RABGAP1L: variants seen among roughly 807,000 people sequenced by gnomAD.
RABGAP1L encodes RAB GTPase activating protein 1 like, also known as rab GTPase-activating protein 1-like.
In RABGAP1L, 63 loss-of-function variants were observed where a neutral mutation model predicts 137.7. The ratio of observed to expected loss-of-function variants is 0.46; its 90% confidence interval spans 0.37 to 0.56. RABGAP1L has a LOEUF of 0.56. RABGAP1L is among the 20% of genes least tolerant of loss of function. The pLI is 0.00. For synonymous variants in RABGAP1L, 431 were observed against 433.7 expected (o/e 0.99, Z 0.08); for missense variants, 1,095 against 1,244.0 (o/e 0.88, Z 1.80).
Position 174,231,258 on chromosome 1 carries a change from G to A in RABGAP1L, c.445G>A (p.Val149Ile). 6.8e-6 allele frequency: 11 copies of A among 1,614,060 alleles called. No homozygotes were observed. Among genetic ancestry groups the A allele is most frequent in the Non-Finnish European group, 7.6e-6 (9 of 1,179,954 alleles). ...GAAGGTTTCTTCCCCACGTAATGAA[G>A]TAGAGGCTTTACGGGCAATGGCAAC... ...CMKVSSPRNE[V>I]EALRAMATMK... The change falls in exon 4 of 26, where the codon GTA (valine) becomes ATA (isoleucine). Residue 149 changes from valine (V) to isoleucine (I), a missense_variant. Val to Ile is a conservative substitution (Grantham distance 29). Transcript: ENST00000681986.
intron 13 of RABGAP1L, among the ~76,000 whole-genome samples, chr1:174,432,972 A>G (rs1383838780): frequency 6.6e-6 from 1 of 152,210 alleles, no homozygotes; most frequent in African/African-American, 2.4e-5. Flanking sequence ...AGGAAAAACG[A>G]TTAGATAGAA....
chr1:174,385,802 C>T (rs1686717764), intron 12 of RABGAP1L, among the ~76,000 whole-genome samples: 1 of 152,158 alleles, frequency 6.6e-6, no homozygotes, highest in Non-Finnish European at 1.5e-5. Context: ...ATTTAGGTGT[C>T]ACTGGTGATC....
At chr1:174,924,960 G>T (rs991480755) in intron 19 of RABGAP1L, among the ~76,000 whole-genome samples, 5 of 152,104 alleles carry the variant, frequency 3.3e-5, no homozygotes, top group Non-Finnish European at 5.9e-5. Flanking sequence ...TGTTAAATAG[G>T]GTAGTAAGGG....
At chr1:174,479,454 C>A (rs879531943) in intron 13 of RABGAP1L, among the ~76,000 whole-genome samples, 3 of 152,118 alleles carry the variant, frequency 2.0e-5, no homozygotes, top group African/African-American at 7.2e-5. Flanking sequence ...CTTTTGAAAA[C>A]TCCTCAGATT....
chr1:174,787,326 C>T (rs1174753711), intron 18 of RABGAP1L, among the ~76,000 whole-genome samples: 1 of 150,768 alleles, frequency 6.6e-6, no homozygotes, highest in Non-Finnish European at 1.5e-5. Flanking sequence ...TCGCTTGAAC[C>T]TGGGAGGTGG....
chr1:174,440,805 G>A lies in RABGAP1L; in HGVS notation c.1710+46660G>A, dbSNP rs78749481. Among the ~76,000 whole-genome samples the A allele has an allele frequency of 1.7e-3, 252 of 152,090 alleles. 1 individual carries two copies. The highest frequency in any genetic ancestry group is 5.8e-3 in the African/African-American group (242 of 41,520). On this transcript the variant is annotated intron_variant, in intron 13 of 25. Coordinates refer to ENST00000681986, the MANE Select transcript of RABGAP1L (RefSeq NM_001366446.1). Reference sequence around the variant, plus strand: ...CTCCTGACCTCAAGTTGATCTGCCCGCCTGGGCCTTCCAAAGTCCTGGGAT... The same window carrying A: ...CTCCTGACCTCAAGTTGATCTGCCCACCTGGGCCTTCCAAAGTCCTGGGAT...
intron 13 of RABGAP1L, among the ~76,000 whole-genome samples, chr1:174,407,119 T>C (rs1395736808): frequency 6.6e-6 from 1 of 152,180 alleles, no homozygotes; most frequent in Non-Finnish European, 1.5e-5. Context: ...GTGTTTACTA[T>C]TGATTACGGC....
intron 13 of RABGAP1L, among the ~76,000 whole-genome samples, chr1:174,447,115 T>C (rs1387316054): frequency 6.6e-6 from 1 of 152,152 alleles, no homozygotes; most frequent in African/African-American, 2.4e-5. Flanking sequence ...GATGCCAAAT[T>C]AATAGCAAAA....
At chr1:174,918,411 C>A (rs1661225677) in intron 19 of RABGAP1L, among the ~76,000 whole-genome samples, 1 of 152,008 alleles carries the variant, frequency 6.6e-6, no homozygotes, top group Non-Finnish European at 1.5e-5. Flanking sequence ...ATCTGTAGTC[C>A]TAGAGTATTT....
chr1:174,742,250 G>A (rs1000635387), intron 17 of RABGAP1L, among the ~76,000 whole-genome samples: 1 of 151,992 alleles, frequency 6.6e-6, no homozygotes, highest in Admixed American at 6.6e-5. Context: ...CAGATGCGGT[G>A]GCTCAGCTTG....
At chr1:174,544,303 C>CT (rs1246597238) in intron 13 of RABGAP1L, among the ~76,000 whole-genome samples, 2 of 152,028 alleles carry the variant, frequency 1.3e-5, no homozygotes, top group African/African-American at 2.4e-5. Flanking sequence ...TCTTTTTACT[C>CT]TTTTTTTCTC....
intron 20 of RABGAP1L, among the ~76,000 whole-genome samples, chr1:174,962,872 TG>T (rs1440202054): frequency 6.6e-6 from 1 of 151,940 alleles, no homozygotes; most frequent in African/African-American, 2.4e-5. Context: ...CCAAGGCAGG[TG>T]GATCACTTGA....
At chr1:174,349,869 C>CA (rs1333830448) in intron 11 of RABGAP1L, among the ~76,000 whole-genome samples, 1 of 144,622 alleles carries the variant, frequency 6.9e-6, no homozygotes, top group Non-Finnish European at 1.6e-5. Context: ...GCTGACCCCC[C>CA]CACCTCCCTC....
At chr1:174,246,469 A>T (rs1304623347) in intron 5 of RABGAP1L, 1 of 152,178 alleles carries the variant, frequency 6.6e-6, no homozygotes, top group East Asian at 1.9e-4. Context: ...ATATTTGTGG[A>T]TTCTACATCC....
At chr1:174,919,888 G>A (rs1437550156) in intron 19 of RABGAP1L, among the ~76,000 whole-genome samples, 2 of 152,076 alleles carry the variant, frequency 1.3e-5, no homozygotes, top group African/African-American at 4.8e-5. Context: ...AAACCAAATT[G>A]ATGAAAAGTG....
At chr1:174,357,826 T>C (rs1245678897) in intron 11 of RABGAP1L, among the ~76,000 whole-genome samples, 1 of 152,246 alleles carries the variant, frequency 6.6e-6, no homozygotes, top group Admixed American at 6.5e-5. Flanking sequence ...CCTGTGCCAG[T>C]AGGCATTCAA....
chr1:174,717,083 A>G (rs2148576876), intron 17 of RABGAP1L, among the ~76,000 whole-genome samples: 1 of 152,214 alleles, frequency 6.6e-6, no homozygotes, highest in East Asian at 1.9e-4. Context: ...TTACCTTGCA[A>G]ATATACATAA....
chr1:174,330,634 G>A (rs1052650888), intron 11 of RABGAP1L, among the ~76,000 whole-genome samples: 1 of 152,038 alleles, frequency 6.6e-6, no homozygotes, highest in Admixed American at 6.6e-5. Flanking sequence ...TATACTTAAG[G>A]AAGTGAAAGA....
intron 17 of RABGAP1L, among the ~76,000 whole-genome samples, chr1:174,718,011 T>C (rs1025996006): frequency 6.6e-6 from 1 of 152,218 alleles, no homozygotes; most frequent in Non-Finnish European, 1.5e-5. Flanking sequence ...CCTGTCCCAG[T>C]TGCTCCTCAA....
Sources: gnomAD v4.1 joint callset for allele counts (sites outside exome capture counted in the v4.1 genomes callset) on GRCh38, gnomAD v4.1.1 for gene constraint, MANE v1.5 for transcripts, NCBI Gene and HGNC (gene_info 2026-07-23, HGNC 2026-07-21) for gene names.